The following PASD1 variants were observed in gnomAD, a reference collection of about 807,000 sequenced individuals.
PASD1 encodes the protein PAS domain containing repressor 1.
A neutral mutation model predicts 58.8 loss-of-function variants in PASD1; 13 were observed. The ratio of observed to expected loss-of-function variants is 0.22; its 90% CI spans 0.14 to 0.35. The LOEUF is 0.35. Among genes scored for constraint, PASD1 ranks in the 10% least tolerant of loss-of-function variants. The pLI, the probability that PASD1 is intolerant of heterozygous loss-of-function variation, is 1.00. For synonymous variants in PASD1, 236 were observed against 216.7 expected, an observed-to-expected ratio of 1.09 and a Z score of -0.78; for missense variants, 734 against 568.3, an observed-to-expected ratio of 1.29 and a Z score of -2.96.
At position 151,672,226 on chromosome X, in the gene PASD1, GGCAGCTGCGGGA is replaced by G. The variant is rs1569417562; in HGVS notation, c.1490_1501del (p.Arg497_Leu500del). The G allele has an allele frequency of 3.5e-6, 4 of 1,137,203 alleles. No homozygotes were observed. Among genetic ancestry groups the G allele is most frequent in the Admixed American group, 5.4e-5 (2 of 36,862 alleles). 93.7% of individuals were successfully genotyped at this position (1,137,203 alleles called of 1,213,427 possible). ...GAACAACACCTGAAGGAGCAGCAGC[GGCAGCTGCGGGA>G]GCAGCTGCAACAGCTGAGAGAGCAA... On this transcript the variant is annotated inframe_deletion, in exon 14 of 16. Transcript: ENST00000370357.
At position 151,652,545 on chromosome X, in the gene PASD1, AAC is replaced by A. The variant is rs1213387322; in HGVS notation, c.717+3845_717+3846del. Among the ~76,000 whole-genome samples the A allele has an allele frequency of 7.1e-4, 75 of 104,963 alleles. 1 individual carries two copies. The highest frequency in any genetic ancestry group is 5.1e-3 in the Middle Eastern group (1 of 198). The allele number at this position is 104,963 out of a possible 115,157, so 91.1% of individuals were successfully genotyped here. On this transcript the variant is annotated intron_variant, in intron 9 of 15. Transcript: ENST00000370357. ...GAGACTCCGTCTCAAAAAAAAAAAAAACAAAAAACAAACAAACAAAAAAAACT... is the reference window on the plus strand; with the variant it reads ...GAGACTCCGTCTCAAAAAAAAAAAAAAAAAAACAAACAAACAAAAAAAACT...
chrX:151,665,618 T>C (rs1264503611), intron 11 of PASD1, among the ~76,000 whole-genome samples: 2 of 111,504 alleles, frequency 1.8e-5, no homozygotes, highest in Non-Finnish European at 3.8e-5. Context: ...GGTCATAAAG[T>C]GGAAGATATG....
In PASD1 at chrX:151,676,617, G is replaced by A. The variant is rs1295106366; in HGVS notation, c.*474G>A. 8.8e-6 allele frequency: 1 copy of A among 114,163 alleles called. No individual in the cohort carries two copies. Among genetic ancestry groups the A allele is most frequent in the Non-Finnish European group, 1.8e-5 (1 of 54,547 alleles). 9.4% of individuals were successfully genotyped at this position (114,163 alleles called of 1,213,427 possible). A position where few individuals can be genotyped will look rare whatever the true frequency, so the allele number is the denominator to read the frequency against. ...CAACCTGCCTCCCCTCCATAGTCTT[G>A]TTGGAGAAGCCCAGAGAGAATGGGA... On this transcript the variant is annotated 3_prime_UTR_variant, in exon 16 of 16. Coordinates refer to ENST00000370357, the MANE Select transcript of PASD1 (RefSeq NM_173493.3).
At chrX:151,624,887 A>G (rs904077933) in intron 7 of PASD1, among the ~76,000 whole-genome samples, 3 of 112,023 alleles carry the variant, frequency 2.7e-5, no homozygotes, top group Non-Finnish European at 3.8e-5. Context: ...TGCCCCATTC[A>G]TTATTCCGTC....
rs200330205 is a variant in PASD1, at chrX:151,671,070, C to T, written c.1104C>T (p.Asp368=). 3.3e-6 allele frequency: 4 copies of T among 1,209,503 alleles called. No individual in the cohort carries two copies. The East Asian group carries it at 1.2e-4, about 36-fold the overall frequency. ...AGCCATCATCACCAGTTGCATATGA[C>T]ATCATTAGCCAGGAACTGGAACTGA... ...PLQPSSPVAY[D]IISQELELMK... Residue 368 remains aspartate (D), a synonymous_variant, in exon 12 of 16, where the codon GAC becomes GAT. Coordinates refer to ENST00000370357, the MANE Select transcript of PASD1 (RefSeq NM_173493.3).
chrX:151,605,891 T>C (rs2013482307), intron 3 of PASD1, among the ~76,000 whole-genome samples: 2 of 112,309 alleles, frequency 1.8e-5, no homozygotes, highest in Non-Finnish European at 3.8e-5. Context: ...TGACTCTCTC[T>C]CAATTTTATT....
chrX:151,650,462 G>C (rs1195592840), intron 9 of PASD1, among the ~76,000 whole-genome samples: 1 of 110,650 alleles, frequency 9.0e-6, no homozygotes, highest in Non-Finnish European at 1.9e-5. Context: ...TTCAGTCTTA[G>C]TCCACCAACG....
intron 8 of PASD1, among the ~76,000 whole-genome samples, chrX:151,639,151 G>A (rs780093893): frequency 2.7e-5 from 3 of 112,233 alleles, no homozygotes; most frequent in South Asian, 3.7e-4. Context: ...CTTTTCCAGC[G>A]TAGAGCCTTT....
intron 3 of PASD1, among the ~76,000 whole-genome samples, 190 bp downstream of exon 3, chrX:151,604,924 T>C (rs2013468499): frequency 8.9e-6 from 1 of 111,925 alleles, no homozygotes; most frequent in African/African-American, 3.3e-5. Flanking sequence ...TCTCTCAAGC[T>C]CCCTGGATGC....
Position 151,664,367 on chromosome X carries a change from T to G in PASD1, c.1071+19T>G. ...TGCTCAGGTACTCTGAAAGTCTCGC[T>G]TCACTCGCTTCACGTTTGTCTGGAT... is the stretch of plus-strand genomic sequence containing the variant. On this transcript the variant is annotated intron_variant, in intron 11 of 15. Coordinates refer to ENST00000370357, the MANE Select transcript of PASD1 (RefSeq NM_173493.3). 4.1e-6 allele frequency: 5 copies of G among 1,207,551 alleles called. No individual in the cohort carries two copies. The highest frequency in any genetic ancestry group is 5.6e-6 in the Non-Finnish European group (5 of 893,016).
chrX:151,591,819 G>C (rs981666207), intron 1 of PASD1, among the ~76,000 whole-genome samples: 1 of 111,401 alleles, frequency 9.0e-6, no homozygotes, highest in Non-Finnish European at 1.9e-5. Context: ...GATATGTAAA[G>C]CATGGCTCCT....
intron 2 of PASD1, among the ~76,000 whole-genome samples, chrX:151,603,834 G>A (rs1202393947): frequency 8.9e-6 from 1 of 111,931 alleles, no homozygotes; most frequent in Non-Finnish European, 1.9e-5. Flanking sequence ...GAAAGCAATA[G>A]CCACTGTCAA....
intron 15 of PASD1, among the ~76,000 whole-genome samples, chrX:151,675,508 C>T (rs748686903): frequency 8.9e-6 from 1 of 112,385 alleles, no homozygotes; most frequent in Non-Finnish European, 1.9e-5. Flanking sequence ...TCCTCCTTAA[C>T]CAGAAAACAC....
chrX:151,582,825 A>AC lies in PASD1; in HGVS notation c.-27-18702_-27-18701insC, dbSNP rs1556130910. On this transcript the variant is annotated intron_variant, in intron 1 of 15. Coordinates refer to ENST00000370357, the MANE Select transcript of PASD1 (RefSeq NM_173493.3). Reference sequence around the variant, plus strand: ...TGATGGAAACCAAACTCTCTCTCCTATTTTTTTTTCAACGAACAACACTGA... The same window carrying AC: ...TGATGGAAACCAAACTCTCTCTCCTACTTTTTTTTTCAACGAACAACACTGA... Among the ~76,000 whole-genome samples the AC allele has an allele frequency of 1.0e-4, 11 of 106,924 alleles. No homozygotes were observed. In the East Asian group the frequency reaches 3.2e-3, roughly 31 times the overall value. The allele number at this position is 106,924 out of a possible 115,157, so 92.9% of individuals were successfully genotyped here.
intron 11 of PASD1, among the ~76,000 whole-genome samples, chrX:151,665,902 GT>G (rs749783832): frequency 0.12 from 11,935 of 96,714 alleles, 595 homozygotes; most frequent in African/African-American, 0.14. Context: ...GTGTGTGTGT[GT>G]TTTTTTTTTT....
At chrX:151,670,889 T>C in intron 11 of PASD1, 149 bp from the exon 12 acceptor site, 1 of 656,631 alleles carries the variant, frequency 1.5e-6, no homozygotes, top group Non-Finnish European at 2.3e-6. Context: ...TAACCATTTT[T>C]TCAAACTTTC....
intron 8 of PASD1, among the ~76,000 whole-genome samples, chrX:151,630,691 C>G (rs1277492993): frequency 2.7e-5 from 3 of 112,603 alleles, no homozygotes; most frequent in Non-Finnish European, 5.6e-5. Flanking sequence ...CAAAATGTTT[C>G]CCTTATCTTG....
In PASD1 at chrX:151,659,816, A is replaced by G. The variant is rs956301208; in HGVS notation, c.821A>G (p.Asp274Gly). 1 of 1,204,296 alleles carries G rather than the reference A, an allele frequency of 8.3e-7. No homozygotes were observed. Among genetic ancestry groups the G allele is most frequent in the African/African-American group, 1.8e-5 (1 of 57,039 alleles). ...STYCSSTVFL[D>G]TMPESPALSL... ...TATTGCTCCAGTACAGTTTTCCTGG[A>G]TACTATGCCTGAATCTCCAGGTAGG... Residue 274 changes from aspartate (D) to glycine (G), a missense_variant, in exon 10 of 16, where the codon GAT becomes GGT. Physicochemically the swap from Asp to Gly is moderately conservative, Grantham distance 94. Coordinates refer to ENST00000370357, the MANE Select transcript of PASD1 (RefSeq NM_173493.3).
At chrX:151,596,376 A>G (rs2013322647) in intron 1 of PASD1, among the ~76,000 whole-genome samples, 1 of 111,710 alleles carries the variant, frequency 9.0e-6, no homozygotes, top group Non-Finnish European at 1.9e-5. Flanking sequence ...AAATTAATCC[A>G]TTCCCCTGAG....
Sources: gnomAD v4.1 joint callset for allele counts (sites outside exome capture counted in the v4.1 genomes callset) on GRCh38, gnomAD v4.1.1 for gene constraint, MANE v1.5 for transcripts, NCBI Gene and HGNC (gene_info 2026-07-23, HGNC 2026-07-21) for gene names.